DLG2: variants seen among roughly 807,000 people sequenced by gnomAD.
DLG2 encodes the protein disks large homolog 2.
A neutral mutation model predicts 132.5 loss-of-function variants in DLG2; 45 were observed. The ratio of observed to expected loss-of-function variants is 0.34; its 90% CI spans 0.27 to 0.44. The LOEUF (loss-of-function observed/expected upper bound fraction) is 0.44. Among genes scored for constraint, DLG2 ranks in the 20% least tolerant of loss-of-function variants. The probability of loss-of-function intolerance (pLI) is 1.00; values close to 1 mark genes in which losing one functional copy is unlikely to be tolerated. For synonymous variants in DLG2, 424 were observed against 419.6 expected (o/e 1.01, Z -0.13); for missense variants, 1,045 against 1,196.9 (o/e 0.87, Z 1.87).
At chr11:85,311,292 C>T (rs759026778) in intron 3 of DLG2, among the ~76,000 whole-genome samples, 5 of 152,096 alleles carry the variant, frequency 3.3e-5, no homozygotes, top group African/African-American at 4.8e-5. Flanking sequence ...GGATGTTTAC[C>T]ATATGCCAGA....
chr11:85,521,184 GT>G (rs1407301488), intron 3 of DLG2, among the ~76,000 whole-genome samples: 1 of 152,174 alleles, frequency 6.6e-6, no homozygotes, highest in Non-Finnish European at 1.5e-5. Flanking sequence ...CATGTGTTGG[GT>G]GAGGGACCTT....
intron 18 of DLG2, among the ~76,000 whole-genome samples, chr11:83,702,978 T>C (rs1276663249): frequency 6.6e-6 from 1 of 152,228 alleles, no homozygotes; most frequent in Admixed American, 6.5e-5. Context: ...GACAATATAA[T>C]GACGCATCAA....
At chr11:84,831,729 C>T (rs143381907) in intron 6 of DLG2, among the ~76,000 whole-genome samples, 85 of 151,766 alleles carry the variant, frequency 5.6e-4, no homozygotes, top group African/African-American at 2.0e-3. Flanking sequence ...ATAAGCCACG[C>T]CCCTTCAATA....
rs2061435832 is a variant in DLG2, at chr11:83,620,354, G to A, written c.1940+12857C>T. On this transcript the variant is annotated intron_variant, in intron 19 of 27. Transcript: ENST00000376104. ...TATATCTCAATAAAGCTGTCAAAAA[G>A]TGGGTCTGTTTTAAAATGTAGAAAG... is the stretch of plus-strand genomic sequence containing the variant. 2.6e-5 allele frequency among the ~76,000 whole-genome samples: 4 copies of A among 152,082 alleles called. No homozygotes were observed. The South Asian group carries it at 8.3e-4, about 31-fold the overall frequency.
chr11:83,885,293 G>T (rs911397839), intron 15 of DLG2, among the ~76,000 whole-genome samples: 10 of 152,228 alleles, frequency 6.6e-5, no homozygotes, highest in Admixed American at 3.3e-4. Flanking sequence ...AGAACTACGT[G>T]AAGAATGCAG....
At chr11:84,273,081 A>G in intron 7 of DLG2, 2 of 1,284,674 alleles carry the variant, frequency 1.6e-6, no homozygotes, top group Non-Finnish European at 2.1e-6. Context: ...ATTTCTCTAT[A>G]GATACAACAG....
intron 4 of DLG2, among the ~76,000 whole-genome samples, chr11:85,249,277 C>T (rs1362166673): frequency 1.3e-5 from 2 of 151,870 alleles, no homozygotes; most frequent in African/African-American, 4.8e-5. Context: ...TAATCAACTA[C>T]TACTTTAATG....
intron 6 of DLG2, among the ~76,000 whole-genome samples, chr11:84,871,292 G>T (rs1249517026): frequency 2.0e-5 from 3 of 152,158 alleles, no homozygotes; most frequent in Non-Finnish European, 4.4e-5. Context: ...AGAACCACAA[G>T]TGATTCTGAT....
At chr11:84,126,922 T>G (rs893999887) in intron 9 of DLG2, among the ~76,000 whole-genome samples, 7 of 152,194 alleles carry the variant, frequency 4.6e-5, no homozygotes, top group African/African-American at 1.4e-4. Flanking sequence ...TAAACATATA[T>G]TAATGAATAA....
At chr11:84,167,786 C>G (rs947794525) in intron 8 of DLG2, among the ~76,000 whole-genome samples, 1 of 152,026 alleles carries the variant, frequency 6.6e-6, no homozygotes, top group African/African-American at 2.4e-5. Context: ...TCTGCCTCAG[C>G]CTCCCAAGTA....
At chr11:84,206,361 T>C (rs1244909084) in intron 8 of DLG2, among the ~76,000 whole-genome samples, 1 of 151,862 alleles carries the variant, frequency 6.6e-6, no homozygotes, top group Non-Finnish European at 1.5e-5. Flanking sequence ...TTCCACAAAA[T>C]AGAGAACAAA....
chr11:84,091,502 C>T (rs575697883), intron 10 of DLG2, among the ~76,000 whole-genome samples: 1 of 152,262 alleles, frequency 6.6e-6, no homozygotes, highest in South Asian at 2.1e-4. Context: ...AGTCCCAAGT[C>T]CAATCATGAG....
chr11:85,064,969 T>A (rs1446532798), intron 6 of DLG2, among the ~76,000 whole-genome samples: 1 of 151,664 alleles, frequency 6.6e-6, no homozygotes, highest in Non-Finnish European at 1.5e-5. Context: ...ATGTATAAAG[T>A]ACCGATATAG....
intron 16 of DLG2, among the ~76,000 whole-genome samples, chr11:83,846,721 T>G (rs1203724247): frequency 6.6e-6 from 1 of 152,134 alleles, no homozygotes; most frequent in Non-Finnish European, 1.5e-5. Flanking sequence ...AAAATTTTCT[T>G]CTCGCAACAT....
intron 3 of DLG2, among the ~76,000 whole-genome samples, chr11:85,423,178 C>CT (rs972436891): frequency 1.3e-5 from 2 of 152,128 alleles, no homozygotes; most frequent in African/African-American, 4.8e-5. Context: ...ATGTGGCTTC[C>CT]TGAGAGCTGA....
At chr11:84,381,429 A>C (rs1555537857) in intron 7 of DLG2, among the ~76,000 whole-genome samples, 1 of 152,148 alleles carries the variant, frequency 6.6e-6, no homozygotes, top group Non-Finnish European at 1.5e-5. Flanking sequence ...TCATAGATGC[A>C]AAAACACTTA....
chr11:85,507,331 T>A (rs1231560137), intron 3 of DLG2, among the ~76,000 whole-genome samples: 1 of 152,214 alleles, frequency 6.6e-6, no homozygotes, highest in Non-Finnish European at 1.5e-5. Flanking sequence ...TTTGGCATGT[T>A]TTTGCAGTGG....
At chr11:84,307,695 C>CAAAAAAAAAAAAAAAAAAAAAAAAAAAAA (rs1222486667) in intron 7 of DLG2, among the ~76,000 whole-genome samples, 27 of 77,990 alleles carry the variant, frequency 3.5e-4, no homozygotes, top group Non-Finnish European at 4.7e-4. Context: ...GACGCAGTCT[C>CAAAAAAAAAAAAAAAAAAAAAAAAAAAAA]AAAAAAAAAA....
At chr11:85,507,318 C>A (rs566613576) in intron 3 of DLG2, among the ~76,000 whole-genome samples, 2 of 152,286 alleles carry the variant, frequency 1.3e-5, no homozygotes, top group East Asian at 3.9e-4. Flanking sequence ...GTGGTCCTTA[C>A]AATTTGGCAT....
Sources: gnomAD v4.1 joint callset for allele counts (sites outside exome capture counted in the v4.1 genomes callset) on GRCh38, gnomAD v4.1.1 for gene constraint, MANE v1.5 for transcripts, NCBI Gene and HGNC (gene_info 2026-07-23, HGNC 2026-07-21) for gene names.